Variants in CDON observed in about 807,000 individuals in gnomAD.
The protein encoded by CDON is cell adhesion associated, oncogene regulated.
Under a neutral mutation model 120.9 loss-of-function variants are expected in CDON, and 73 were observed. That is an observed-to-expected ratio of 0.60 (90% CI 0.50 to 0.73). The LOEUF is 0.73. CDON is among the 30% of genes least tolerant of loss of function. CDON has a pLI of 0.00. For synonymous variants in CDON, 566 were observed against 573.5 expected (o/e 0.99, Z 0.19); for missense variants, 1,470 against 1,587.3 (o/e 0.93, Z 1.26).
chr11:126,026,404 C>T (rs912074580), intron 1 of CDON, among the ~76,000 whole-genome samples: 2 of 152,136 alleles, frequency 1.3e-5, no homozygotes, highest in African/African-American at 4.8e-5. Context: ...AATGACTGTG[C>T]TACATTAATG....
intron 1 of CDON, among the ~76,000 whole-genome samples, chr11:126,048,643 C>T (rs1948469680): frequency 1.3e-5 from 2 of 151,988 alleles, no homozygotes; most frequent in Non-Finnish European, 1.5e-5. Context: ...TCAAAGAAAA[C>T]CATGTTAAGA....
In CDON at chr11:125,959,678, C is replaced by G. The variant is rs1435876291; in HGVS notation, c.*1264G>C. The stretch of plus-strand genomic sequence containing the variant: ...AAAGTAAGTCTTTTCTGACACTCAC[C>G]CCTGCAGGCCGTTGCCTATGCTGGA... On this transcript the variant is annotated 3_prime_UTR_variant, in exon 20 of 20. Coordinates refer to ENST00000531738, the MANE Select transcript of CDON (RefSeq NM_001378964.1). The G allele has an allele frequency of 1.3e-5, 2 of 152,064 alleles. No homozygotes were observed. The highest frequency in any genetic ancestry group is 2.9e-5 in the Non-Finnish European group (2 of 68,020). 9.4% of individuals were successfully genotyped at this position (152,064 alleles called of 1,614,324 possible). A position where few individuals can be genotyped will look rare whatever the true frequency, so the allele number is the denominator to read the frequency against.
chr11:125,984,976 T>C (rs763574138), intron 15 of CDON, among the ~76,000 whole-genome samples: 15 of 152,134 alleles, frequency 9.9e-5, no homozygotes, highest in Non-Finnish European at 1.9e-4. Flanking sequence ...GTAATAGCGA[T>C]AACGAAAGCT....
intron 18 of CDON, among the ~76,000 whole-genome samples, chr11:125,973,507 G>A (rs1018574427): frequency 6.6e-6 from 1 of 152,110 alleles, no homozygotes; most frequent in Admixed American, 6.5e-5. Context: ...CTCCAGCCTG[G>A]GCAACAGAGT....
Position 126,005,860 on chromosome 11 carries a change from T to G in CDON, c.1750A>C (p.Ser584Arg). 1 of 1,613,918 alleles carries G rather than the reference T, an allele frequency of 6.2e-7. No individual in the cohort carries two copies. The highest frequency in any genetic ancestry group is 8.5e-7 in the Non-Finnish European group (1 of 1,179,942). ...ISVPDAPIIL[S>R]PPQTHTPDTY... ...TCTGGTGTGTGGGTCTGTGGGGGGC[T>G]CAGTATGATGGGGGCATCAGGAACA... The change falls in exon 9 of 20, where the codon AGC becomes CGC. Residue 584 changes from serine to arginine, a missense_variant. Ser to Arg is a moderately radical substitution (Grantham distance 110). Transcript: ENST00000531738.
chr11:126,062,611 C>G lies in CDON; in HGVS notation c.-94G>C, dbSNP rs1948831747. On this transcript the variant is annotated 5_prime_UTR_variant, in exon 1 of 20. Coordinates refer to ENST00000531738, the MANE Select transcript of CDON (RefSeq NM_001378964.1). ...CGGGGCTGGCTAAGCCTCCAGACCT[C>G]CTGCGCTGCAGCCGGCTCGGAAAGC... The G allele has an allele frequency of 6.6e-6, 1 of 152,394 alleles. No homozygotes were observed. The highest frequency in any genetic ancestry group is 6.5e-5 in the Admixed American group (1 of 15,278). 9.4% of individuals were successfully genotyped at this position (152,394 alleles called of 1,614,324 possible). A position where few individuals can be genotyped will look rare whatever the true frequency, so the allele number is the denominator to read the frequency against.
intron 6 of CDON, 77 bp from the exon 7 acceptor site, chr11:126,015,587 T>C (rs1947442720): frequency 1.4e-6 from 2 of 1,443,576 alleles, no homozygotes; most frequent in Non-Finnish European, 9.6e-7. Context: ...GATAAAAATC[T>C]TCTCTCTACC....
rs780736460 is a variant in CDON, at chr11:126,015,225, C to G, written c.1198+16G>C. 6.2e-7 allele frequency: 1 copy of G among 1,612,826 alleles called. No individual in the cohort carries two copies. Among genetic ancestry groups the G allele is most frequent in the South Asian group, 1.1e-5 (1 of 91,026 alleles). On this transcript the variant is annotated intron_variant, in intron 7 of 19. Transcript: ENST00000531738. ...AAAATAAAAGTTCTTATGACTGGCACGACCTAAAAGCCTACCATTTTCAAT... is the reference window on the plus strand; with the variant it reads ...AAAATAAAAGTTCTTATGACTGGCAGGACCTAAAAGCCTACCATTTTCAAT...
In CDON at chr11:125,958,916, G is replaced by C. The variant is rs1242860869; in HGVS notation, c.*2026C>G. On this transcript the variant is annotated 3_prime_UTR_variant, in exon 20 of 20. Coordinates refer to ENST00000531738, the MANE Select transcript of CDON (RefSeq NM_001378964.1). ...TGCTGTAACTTGATTGGCTAACACA[G>C]GGTATGTTTTCATATTCTGTGCGCT... 1 of 152,138 alleles carries C rather than the reference G, an allele frequency of 6.6e-6. No individual in the cohort carries two copies. Among genetic ancestry groups the C allele is most frequent in the Non-Finnish European group, 1.5e-5 (1 of 68,016 alleles). The allele number at this position is 152,138 out of a possible 1,614,324, so 9.4% of individuals were successfully genotyped here.
At chr11:125,994,779 T>G (rs1224195264) in intron 13 of CDON, 92 bp downstream of exon 13, 2 of 1,139,270 alleles carry the variant, frequency 1.8e-6, no homozygotes, top group Non-Finnish European at 2.6e-6. Flanking sequence ...AAGTTCAAAA[T>G]TTGCTGTTTA....
At chr11:126,030,287 G>A (rs974937377) in intron 1 of CDON, among the ~76,000 whole-genome samples, 1 of 152,180 alleles carries the variant, frequency 6.6e-6, no homozygotes, top group East Asian at 1.9e-4. Flanking sequence ...TCAACATGCT[G>A]CCAGAATAAT....
chr11:125,966,464 G>T (rs2134361683), intron 18 of CDON, among the ~76,000 whole-genome samples: 1 of 152,246 alleles, frequency 6.6e-6, no homozygotes, highest in East Asian at 1.9e-4. Context: ...GAAAGCAGCT[G>T]AAGGAACAGA....
intron 1 of CDON, among the ~76,000 whole-genome samples, chr11:126,061,180 G>T (rs1021125523): frequency 6.6e-6 from 1 of 152,182 alleles, no homozygotes; most frequent in Admixed American, 6.5e-5. Flanking sequence ...AAATGTTTCT[G>T]TTCTACACAC....
chr11:125,980,820 T>C (rs142415205), intron 17 of CDON, among the ~76,000 whole-genome samples: 50 of 152,342 alleles, frequency 3.3e-4, no homozygotes, highest in African/African-American at 1.1e-3. Flanking sequence ...CTTTCAGTGT[T>C]AAATAATTTT....
At chr11:126,060,521 G>A (rs890593367) in intron 1 of CDON, among the ~76,000 whole-genome samples, 2 of 150,794 alleles carry the variant, frequency 1.3e-5, no homozygotes, top group African/African-American at 2.4e-5. Flanking sequence ...ATTTAACTTC[G>A]AAACAATCAC....
intron 18 of CDON, among the ~76,000 whole-genome samples, chr11:125,970,087 C>T (rs1026442235): frequency 6.6e-6 from 1 of 151,370 alleles, no homozygotes; most frequent in Non-Finnish European, 1.5e-5. Flanking sequence ...AAGAACTATC[C>T]GTGAATTTCT....
Position 126,016,845 on chromosome 11 carries a change from T to C in CDON, c.928+243A>G, listed in dbSNP as rs7945668. Among the ~76,000 whole-genome samples, 83,942 of 151,892 alleles carry C rather than the reference T, an allele frequency of 0.55. 24,736 individuals carry two copies. The highest frequency in any genetic ancestry group is 0.77 in the African/African-American group (31,738 of 41,426). On this transcript the variant is annotated intron_variant, in intron 6 of 19. Coordinates refer to ENST00000531738, the MANE Select transcript of CDON (RefSeq NM_001378964.1). ...CATGTTATGAAGAAGGGAGAATAAT[T>C]TCTATATTGTACAACGAGGTTGGGG...
intron 16 of CDON, among the ~76,000 whole-genome samples, chr11:125,981,963 CTATTTTCTT>C (rs1396839417): frequency 1.2e-3 from 42 of 34,150 alleles, no homozygotes; most frequent in East Asian, 2.3e-3. Context: ...AAAAGTGATT[CTATTTTCTT>C]TTTTTTTTTT....
At chr11:125,973,019 T>C (rs1946047164) in intron 18 of CDON, among the ~76,000 whole-genome samples, 1 of 12,536 alleles carries the variant, frequency 8.0e-5, no homozygotes, top group Non-Finnish European at 1.2e-4. Flanking sequence ...TTACTTGGTC[T>C]TTTTTTTTTT....
Sources: allele counts gnomAD v4.1 joint callset (sites outside exome capture counted in the v4.1 genomes callset), GRCh38; gene constraint gnomAD v4.1.1; transcripts MANE v1.5; gene names NCBI Gene and HGNC (gene_info 2026-07-23, HGNC 2026-07-21).